GBE1: variants seen among roughly 807,000 people sequenced by gnomAD.
GBE1 encodes the protein 1,4-alpha-glucan-branching enzyme.
In GBE1, 70 loss-of-function variants were observed where a neutral mutation model predicts 88.8. The observed-to-expected ratio is 0.79, with a 90% CI of 0.65 to 0.96. GBE1 has a LOEUF of 0.96. Ranked by LOEUF, GBE1 falls within the 40% of genes least tolerant of loss-of-function variation. GBE1 has a pLI of 0.00. For missense variants in GBE1, 872 were observed against 871.0 expected (o/e 1.00, Z -0.01); for synonymous variants, 284 against 300.1 (o/e 0.95, Z 0.56).
intron 12 of GBE1, among the ~76,000 whole-genome samples, chr3:81,571,454 G>A (rs1252862274): frequency 6.6e-6 from 1 of 152,154 alleles, no homozygotes; most frequent in Non-Finnish European, 1.5e-5. Flanking sequence ...GAAGTGAAAT[G>A]TTGCTGGTTT....
intron 1 of GBE1, among the ~76,000 whole-genome samples, chr3:81,737,863 T>C (rs1706290973): frequency 6.6e-6 from 1 of 152,204 alleles, no homozygotes; most frequent in South Asian, 2.1e-4. Flanking sequence ...TAACTCGTCA[T>C]CTAGCATTAG....
intron 3 of GBE1, among the ~76,000 whole-genome samples, chr3:81,659,913 A>G (rs905389310): frequency 6.6e-6 from 1 of 152,232 alleles, no homozygotes; most frequent in Non-Finnish European, 1.5e-5. Context: ...GAATCTTTAA[A>G]TATTCTTTAC....
At chr3:81,539,606 A>G (rs1703118777) in intron 12 of GBE1, among the ~76,000 whole-genome samples, 1 of 152,048 alleles carries the variant, frequency 6.6e-6, no homozygotes, top group Non-Finnish European at 1.5e-5. Flanking sequence ...ATTCTGTGGA[A>G]ACACAGAAAA....
At chr3:81,609,689 C>T (rs1436488489) in intron 7 of GBE1, among the ~76,000 whole-genome samples, 2 of 152,022 alleles carry the variant, frequency 1.3e-5, no homozygotes, top group Non-Finnish European at 2.9e-5. Flanking sequence ...ATGGCAATTG[C>T]CTTTTCTAGA....
At chr3:81,496,178 C>G (rs935489389) in intron 15 of GBE1, among the ~76,000 whole-genome samples, 1 of 152,136 alleles carries the variant, frequency 6.6e-6, no homozygotes, top group Non-Finnish European at 1.5e-5. Context: ...CAATAACTGC[C>G]AGTAAAGCAG....
intron 12 of GBE1, among the ~76,000 whole-genome samples, chr3:81,544,607 C>A (rs1236784407): frequency 6.6e-6 from 1 of 152,136 alleles, no homozygotes; most frequent in African/African-American, 2.4e-5. Flanking sequence ...AAGCCCGTAA[C>A]TAACATTGCT....
At chr3:81,692,331 T>C (rs898546006) in intron 2 of GBE1, among the ~76,000 whole-genome samples, 1 of 152,222 alleles carries the variant, frequency 6.6e-6, no homozygotes, top group Non-Finnish European at 1.5e-5. Flanking sequence ...ATGTGCACAA[T>C]ATACAGTCTC....
chr3:81,759,827 T>C (rs755380426), intron 1 of GBE1, among the ~76,000 whole-genome samples: 1 of 152,158 alleles, frequency 6.6e-6, no homozygotes, highest in Non-Finnish European at 1.5e-5. Flanking sequence ...ATAAAGAATG[T>C]TAATCTGTTT....
chr3:81,757,098 A>C (rs1402480875), intron 1 of GBE1, among the ~76,000 whole-genome samples: 1 of 152,178 alleles, frequency 6.6e-6, no homozygotes, highest in Admixed American at 6.5e-5. Flanking sequence ...TAAGAAATGA[A>C]AATCTTCAAT....
At chr3:81,640,159 C>T (rs1704650656) in intron 7 of GBE1, among the ~76,000 whole-genome samples, 1 of 151,986 alleles carries the variant, frequency 6.6e-6, no homozygotes, top group South Asian at 2.1e-4. Context: ...TACTGACTGT[C>T]AACTTGATTG....
intron 15 of GBE1, among the ~76,000 whole-genome samples, chr3:81,495,151 G>A (rs1346426753): frequency 6.6e-6 from 1 of 152,188 alleles, no homozygotes; most frequent in Non-Finnish European, 1.5e-5. Context: ...TACTTTGGGA[G>A]GCCGAGGCAG....
chr3:81,626,351 T>C (rs1426316509), intron 7 of GBE1, among the ~76,000 whole-genome samples: 1 of 152,186 alleles, frequency 6.6e-6, no homozygotes, highest in Non-Finnish European at 1.5e-5. Flanking sequence ...TGTACACTTA[T>C]GCAATGAAAT....
At chr3:81,737,365 A>ATT (rs1553695467) in intron 1 of GBE1, among the ~76,000 whole-genome samples, 1 of 35,060 alleles carries the variant, frequency 2.9e-5, no homozygotes, top group African/African-American at 1.4e-4. Flanking sequence ...ATATTTATAT[A>ATT]TTTATATATA....
At chr3:81,690,303 C>G (rs2107143177) in intron 2 of GBE1, among the ~76,000 whole-genome samples, 1 of 152,306 alleles carries the variant, frequency 6.6e-6, no homozygotes, top group Non-Finnish European at 1.5e-5. Flanking sequence ...TACTTCGTCT[C>G]TAAATTCCTC....
intron 7 of GBE1, among the ~76,000 whole-genome samples, chr3:81,628,742 C>T (rs1161970724): frequency 1.5e-5 from 1 of 65,420 alleles, no homozygotes; most frequent in Non-Finnish European, 2.7e-5. Flanking sequence ...AGAACAATTG[C>T]ATATATATAT....
intron 7 of GBE1, among the ~76,000 whole-genome samples, chr3:81,631,210 G>GA (rs1166506540): frequency 6.6e-6 from 1 of 151,422 alleles, no homozygotes; most frequent in Non-Finnish European, 1.5e-5. Context: ...TCTTTAAAAA[G>GA]AAAAAAAGAA....
chr3:81,671,710 G>A lies in GBE1; in HGVS notation c.314-757C>T, dbSNP rs185252496. 1.5e-3 allele frequency among the ~76,000 whole-genome samples: 228 copies of A among 152,144 alleles called. 2 individuals carry two copies. Among genetic ancestry groups the A allele is most frequent in the Non-Finnish European group, 1.3e-3 (85 of 67,908 alleles). ...TACATGATAGGCAGAACCATAAAAT[G>A]CTTAGAAGAAAATACAGAGAAATAT... On this transcript the variant is annotated intron_variant, in intron 2 of 15. Transcript: ENST00000429644.
intron 7 of GBE1, among the ~76,000 whole-genome samples, chr3:81,633,848 C>A (rs1430152991): frequency 6.6e-6 from 1 of 152,034 alleles, no homozygotes; most frequent in Non-Finnish European, 1.5e-5. Context: ...ATTTTGGAAC[C>A]CAGAGATAGC....
intron 2 of GBE1, among the ~76,000 whole-genome samples, chr3:81,684,848 T>A (rs1705409757): frequency 6.6e-6 from 1 of 152,146 alleles, no homozygotes; most frequent in African/African-American, 2.4e-5. Context: ...TAAAGCTACA[T>A]CAGTCTGTGA....
Sources: allele counts gnomAD v4.1 joint callset (sites outside exome capture counted in the v4.1 genomes callset), GRCh38; gene constraint gnomAD v4.1.1; transcripts MANE v1.5; gene names NCBI Gene and HGNC (gene_info 2026-07-23, HGNC 2026-07-21).